The following RASA1 variants were observed in gnomAD, a reference collection of about 807,000 sequenced individuals.
RASA1 encodes ras GTPase-activating protein 1.
A neutral mutation model predicts 132.2 loss-of-function variants in RASA1; 25 were observed. The observed-to-expected ratio is 0.19, with a 90% CI of 0.14 to 0.26. The LOEUF is 0.26. Among genes scored for constraint, RASA1 ranks in the 10% least tolerant of loss-of-function variants. RASA1 has a pLI of 1.00. For synonymous variants in RASA1, 477 were observed against 449.9 expected (o/e 1.06, Z -0.76); for missense variants, 964 against 1,299.2 (o/e 0.74, Z 3.97).
At chr5:87,353,430 C>T (rs1759427085) in intron 9 of RASA1, among the ~76,000 whole-genome samples, 195 bp downstream of exon 9, 1 of 151,894 alleles carries the variant, frequency 6.6e-6, no homozygotes, top group Admixed American at 6.6e-5. Context: ...TCAGGAACAA[C>T]CTAGTGGCTT....
chr5:87,340,924 G>A (rs917523749), intron 5 of RASA1, among the ~76,000 whole-genome samples: 36 of 152,032 alleles, frequency 2.4e-4, no homozygotes, highest in African/African-American at 7.2e-4. Context: ...AACGACTTCA[G>A]TTGCAGAATG....
Position 87,288,614 on chromosome 5 carries a change from A to AG in RASA1, c.539+19625dup, listed in dbSNP as rs546293661. Among the ~76,000 whole-genome samples the AG allele has an allele frequency of 5.3e-5, 8 of 152,266 alleles. No homozygotes were observed. In the East Asian group the frequency reaches 1.5e-3, roughly 29 times the overall value. ...GCTTGTCAGGTGTCATCTAAGTACA[A>AG]GTGAGTGGGCTTTTTTTAGCCCAAG... On this transcript the variant is annotated intron_variant, in intron 1 of 24. Transcript: ENST00000274376.
chr5:87,283,614 C>G (rs1310974385), intron 1 of RASA1, among the ~76,000 whole-genome samples: 1 of 152,068 alleles, frequency 6.6e-6, no homozygotes, highest in East Asian at 1.9e-4. Flanking sequence ...CTGTATATAT[C>G]CCTATCCCCC....
Position 87,386,805 on chromosome 5 carries a change from CAG to C in RASA1, c.2848-19_2848-18del. On this transcript the variant is annotated intron_variant, in intron 22 of 24. Transcript: ENST00000274376. ...AGTGGTTTGTTTCTGGTGCATATAA[CAG>C]AAGCATTTTATTTTTCAGGAGCCCT... 1.2e-6 allele frequency: 2 copies of C among 1,604,442 alleles called. No individual in the cohort carries two copies. Among genetic ancestry groups the C allele is most frequent in the Non-Finnish European group, 1.7e-6 (2 of 1,171,752 alleles).
chr5:87,322,499 C>CGGA (rs1244619036), intron 1 of RASA1, among the ~76,000 whole-genome samples: 2 of 152,118 alleles, frequency 1.3e-5, no homozygotes, highest in East Asian at 3.9e-4. Context: ...TCCCTGGTGC[C>CGGA]GGAGGTTGGG....
At chr5:87,287,367 T>C (rs1306117196) in intron 1 of RASA1, among the ~76,000 whole-genome samples, 1 of 146,626 alleles carries the variant, frequency 6.8e-6, no homozygotes, top group African/African-American at 2.5e-5. Flanking sequence ...ACCATATATA[T>C]ACCATATATA....
At chr5:87,381,487 T>C (rs1260306012) in intron 20 of RASA1, among the ~76,000 whole-genome samples, 1 of 152,216 alleles carries the variant, frequency 6.6e-6, no homozygotes, top group East Asian at 1.9e-4. Flanking sequence ...ATATGTAAAA[T>C]AATTAGGCAA....
chr5:87,372,335 C>T (rs1761009239), intron 13 of RASA1, 140 bp downstream of exon 13: 7 of 730,550 alleles, frequency 9.6e-6, no homozygotes, highest in South Asian at 8.1e-5. Flanking sequence ...AGCAGGAAAA[C>T]GTTACTTCTT....
intron 1 of RASA1, among the ~76,000 whole-genome samples, chr5:87,320,570 C>T (rs1262439965): frequency 3.3e-5 from 5 of 152,102 alleles, no homozygotes; most frequent in African/African-American, 1.2e-4. Flanking sequence ...TGGGGAAGCG[C>T]CACACACTTT....
intron 1 of RASA1, among the ~76,000 whole-genome samples, chr5:87,270,078 C>T (rs970157215): frequency 2.6e-5 from 4 of 151,718 alleles, no homozygotes; most frequent in African/African-American, 7.3e-5. Context: ...CCTGTCTCTA[C>T]TAAAAATACA....
chr5:87,363,209 C>T lies in RASA1; in HGVS notation c.1454-139C>T, dbSNP rs1392413166. On this transcript the variant is annotated intron_variant, in intron 10 of 24. Transcript: ENST00000274376. ...TACAGATTTGTTATAGGCATTTTCT[C>T]ATTATGTAAGAATTGGCATATTACA... The T allele has an allele frequency of 5.1e-6, 4 of 785,930 alleles. No individual in the cohort carries two copies. The Admixed American group carries it at 8.1e-5, about 16-fold the overall frequency. 48.7% of individuals were successfully genotyped at this position (785,930 alleles called of 1,614,324 possible).
intron 6 of RASA1, among the ~76,000 whole-genome samples, chr5:87,343,485 T>C (rs1410599463): frequency 2.0e-5 from 3 of 152,166 alleles, no homozygotes; most frequent in African/African-American, 7.2e-5. Flanking sequence ...TCATTACTAA[T>C]CATCAGATAA....
At chr5:87,375,003 T>G (rs1447301126) in intron 15 of RASA1, 87 bp downstream of exon 15, 32 of 1,479,024 alleles carry the variant, frequency 2.2e-5, no homozygotes, top group Non-Finnish European at 2.6e-5. Context: ...AAATAGAAAT[T>G]AAAAAAACAG....
Position 87,268,199 on chromosome 5 carries a change from T to G in RASA1, c.-253T>G. On this transcript the variant is annotated 5_prime_UTR_variant, in exon 1 of 25. Coordinates refer to ENST00000274376, the MANE Select transcript of RASA1 (RefSeq NM_002890.3). ...TGTGCGTGAGTGTGGGTGTGTGCGG[T>G]GAGGTTTGGGTGGCGTTTGTGCAGG... 1.8e-6 allele frequency: 1 copy of G among 555,830 alleles called. No individual in the cohort carries two copies. Among genetic ancestry groups the G allele is most frequent in the Middle Eastern group, 4.7e-4 (1 of 2,122 alleles). The allele number at this position is 555,830 out of a possible 1,614,324, so 34.4% of individuals were successfully genotyped here.
Position 87,362,568 on chromosome 5 carries a change from C to T in RASA1, c.1350C>T (p.Leu450=), listed in dbSNP as rs780071686. Residue 450 remains leucine, a synonymous_variant, in exon 10 of 25, where the codon CTC becomes CTT. Transcript: ENST00000274376. ...AAATTCAGGATCAAGAACAAGTACT[C>T]AATGACACAGTGGATGGCAAGGAAA... ...PVPMQDQEQV[L]NDTVDGKEIY... 6.3e-7 allele frequency: 1 copy of T among 1,592,900 alleles called. No homozygotes were observed. The highest frequency in any genetic ancestry group is 2.2e-5 in the East Asian group (1 of 44,628).
Position 87,363,468 on chromosome 5 carries a change from G to A in RASA1, c.1574G>A (p.Cys525Tyr). 2 of 1,612,522 alleles carry A rather than the reference G, an allele frequency of 1.2e-6. No individual in the cohort carries two copies. The highest frequency in any genetic ancestry group is 1.1e-5 in the South Asian group (1 of 91,052). The change falls in exon 11 of 25, where the codon TGT (cysteine) becomes TAT (tyrosine). Residue 525 changes from cysteine to tyrosine, a missense_variant. Cys to Tyr is a radical substitution (Grantham distance 194). This residue lies in a region of RASA1 where 346 missense variants were observed against 520.1 expected (regional missense o/e 0.67). Coordinates refer to ENST00000274376, the MANE Select transcript of RASA1 (RefSeq NM_002890.3). ...AAAGGATTAATAGATCTCAGTGTATGTTCTGTCTATGTCGTTCATGATAGT... is the reference window on the plus strand; with the variant it reads ...AAAGGATTAATAGATCTCAGTGTATATTCTGTCTATGTCGTTCATGATAGT... ...KPKGLIDLSV[C>Y]SVYVVHDSLF...
chr5:87,295,550 C>G (rs1755083076), intron 1 of RASA1, among the ~76,000 whole-genome samples: 1 of 151,056 alleles, frequency 6.6e-6, no homozygotes, highest in African/African-American at 2.4e-5. Context: ...ACTGTATCAC[C>G]CAGGCTGGAG....
At chr5:87,286,218 G>A (rs1754556429) in intron 1 of RASA1, among the ~76,000 whole-genome samples, 1 of 152,024 alleles carries the variant, frequency 6.6e-6, no homozygotes, top group Non-Finnish European at 1.5e-5. Flanking sequence ...GGCAAGGCTG[G>A]TCTCGAATGC....
At position 87,338,091 on chromosome 5, in the gene RASA1, G is replaced by A. The variant is rs749648509; in HGVS notation, c.1017G>A (p.Val339=). ...GLIVEDLVEE[V]GREEDPHEGK... Reference sequence around the variant, plus strand: ...TTGTTGAAGACCTAGTAGAAGAGGTGGTAAGTTTTGTTCTTTTCTTCTCAA... The same window carrying A: ...TTGTTGAAGACCTAGTAGAAGAGGTAGTAAGTTTTGTTCTTTTCTTCTCAA... Residue 339 remains valine, a splice_region_variant and synonymous_variant, in exon 5 of 25, where the codon GTG becomes GTA. Transcript: ENST00000274376. 1 of 1,611,696 alleles carries A rather than the reference G, an allele frequency of 6.2e-7. No individual in the cohort carries two copies. Among genetic ancestry groups the A allele is most frequent in the Non-Finnish European group, 8.5e-7 (1 of 1,178,814 alleles).
Sources: gnomAD v4.1 joint callset for allele counts (sites outside exome capture counted in the v4.1 genomes callset) on GRCh38, gnomAD v4.1.1 for gene constraint, gnomAD v4.1.1 regional missense constraint, MANE v1.5 for transcripts, NCBI Gene and HGNC (gene_info 2026-07-23, HGNC 2026-07-21) for gene names.